The following TTLL11 variants were observed in gnomAD, a reference collection of about 807,000 sequenced individuals.
TTLL11 encodes tubulin tyrosine ligase like 11.
In TTLL11, 42 loss-of-function variants were observed where a neutral mutation model predicts 51.7. The observed-to-expected ratio is 0.81, with a 90% CI of 0.64 to 1.05. The LOEUF (loss-of-function observed/expected upper bound fraction) is 1.05, where lower values mean the gene tolerates loss of function less well. Ranked by LOEUF, TTLL11 falls within the 50% of genes least tolerant of loss-of-function variation. TTLL11 has a pLI of 0.00. For synonymous variants in TTLL11, 381 were observed against 383.5 expected (o/e 0.99, Z 0.08); for missense variants, 799 against 940.4 (o/e 0.85, Z 1.97).
intron 7 of TTLL11, 85 bp from the exon 8 acceptor site, chr9:121,860,528 G>T: frequency 9.1e-7 from 1 of 1,100,176 alleles, no homozygotes; most frequent in Non-Finnish European, 1.3e-6. Context: ...GGGACTGAAT[G>T]TTTGTCCTCC....
At chr9:121,824,568 G>A (rs7020301) in intron 8 of TTLL11, among the ~76,000 whole-genome samples, 6,995 of 151,046 alleles carry the variant, frequency 0.046, 345 homozygotes, top group African/African-American at 0.12. Context: ...AGAGTGGCCT[G>A]GAAATTCAAA....
chr9:121,917,046 G>C (rs1469139961), intron 6 of TTLL11, among the ~76,000 whole-genome samples: 1 of 152,158 alleles, frequency 6.6e-6, no homozygotes. Context: ...GCCCTGCCAG[G>C]GGTATATTCT....
chr9:121,880,126 T>C (rs549262885), intron 6 of TTLL11, among the ~76,000 whole-genome samples: 54 of 152,300 alleles, frequency 3.5e-4, no homozygotes, highest in Middle Eastern at 6.8e-3. Flanking sequence ...CTGAAGGACT[T>C]CAGAGCCCCC....
At position 121,926,006 on chromosome 9, in the gene TTLL11, G is replaced by A. The variant is rs147129719; in HGVS notation, c.1481+48003C>T. On this transcript the variant is annotated intron_variant, in intron 6 of 8. Transcript: ENST00000321582. ...AATCCTGCCATATCAATGTCTTCCA[G>A]GTTCTGTGTTCCTCTCAAAAAGATA... Among the ~76,000 whole-genome samples the A allele has an allele frequency of 2.8e-3, 430 of 152,302 alleles. 3 individuals are homozygous for A. Among genetic ancestry groups the A allele is most frequent in the Middle Eastern group, 6.8e-3 (2 of 294 alleles).
intron 8 of TTLL11, among the ~76,000 whole-genome samples, chr9:121,854,842 C>T (rs138470051): frequency 5.8e-4 from 89 of 152,300 alleles, no homozygotes; most frequent in Middle Eastern, 6.8e-3. Context: ...TCGAGGGCTA[C>T]GACATCCCAG....
At chr9:122,029,155 T>C (rs544508832) in intron 3 of TTLL11, among the ~76,000 whole-genome samples, 1 of 152,236 alleles carries the variant, frequency 6.6e-6, no homozygotes, top group Non-Finnish European at 1.5e-5. Context: ...AAGTGCAGTA[T>C]AATACAATTA....
At chr9:122,049,725 T>C (rs1845108847) in intron 1 of TTLL11, among the ~76,000 whole-genome samples, 1 of 152,162 alleles carries the variant, frequency 6.6e-6, no homozygotes, top group Non-Finnish European at 1.5e-5. Context: ...TTCGGGTCCC[T>C]CTTCTAATGG....
intron 1 of TTLL11, among the ~76,000 whole-genome samples, chr9:122,074,866 C>T (rs913150537): frequency 6.7e-6 from 1 of 150,096 alleles, no homozygotes; most frequent in Non-Finnish European, 1.5e-5. Context: ...CTGGGCAAGA[C>T]AGCAAGACAC....
chr9:121,939,712 T>A (rs1841368454), intron 6 of TTLL11, among the ~76,000 whole-genome samples: 1 of 152,174 alleles, frequency 6.6e-6, no homozygotes, highest in Non-Finnish European at 1.5e-5. Context: ...TTTGTAATTT[T>A]ATAAAAGCAA....
intron 3 of TTLL11, among the ~76,000 whole-genome samples, chr9:122,031,521 C>T (rs891600133): frequency 1.3e-5 from 2 of 152,200 alleles, no homozygotes; most frequent in Non-Finnish European, 2.9e-5. Context: ...AGACCCGTTT[C>T]TTCAGTTTAC....
chr9:121,990,754 T>C (rs1355884060), intron 3 of TTLL11, among the ~76,000 whole-genome samples: 1 of 152,202 alleles, frequency 6.6e-6, no homozygotes, highest in Non-Finnish European at 1.5e-5. Context: ...AATCCTTCCA[T>C]CTGTTGAGAT....
At chr9:121,987,103 T>C (rs1034864207) in intron 4 of TTLL11, among the ~76,000 whole-genome samples, 10 of 152,068 alleles carry the variant, frequency 6.6e-5, no homozygotes, top group African/African-American at 2.2e-4. Flanking sequence ...TAGGGATACA[T>C]TCATGCCTAA....
Position 121,818,439 on chromosome 9 carries a change from C to T in TTLL11, c.*4148G>A, listed in dbSNP as rs1032819452. The T allele has an allele frequency of 1.5e-5, 2 of 137,782 alleles. No individual in the cohort carries two copies. The highest frequency in any genetic ancestry group is 6.8e-5 in the African/African-American group (2 of 29,522). 8.5% of individuals were successfully genotyped at this position (137,782 alleles called of 1,614,324 possible). A position where few individuals can be genotyped will look rare whatever the true frequency, so the allele number is the denominator to read the frequency against. On this transcript the variant is annotated 3_prime_UTR_variant, in exon 9 of 9. Coordinates refer to ENST00000321582, the MANE Select transcript of TTLL11 (RefSeq NM_001139442.2). ...GTAACACTGTCTCCTCTCCCGGGTT[C>T]TGCTAAACGTTCCTATTCACAGCAA... is the stretch of plus-strand genomic sequence containing the variant.
chr9:121,929,917 A>G (rs7048632), intron 6 of TTLL11, among the ~76,000 whole-genome samples: 11,743 of 152,298 alleles, frequency 0.077, 659 homozygotes, highest in African/African-American at 0.16. Context: ...CTCACCAATA[A>G]TTAATATTAA....
chr9:121,898,196 G>A (rs1311565364), intron 6 of TTLL11, among the ~76,000 whole-genome samples: 1 of 152,158 alleles, frequency 6.6e-6, no homozygotes, highest in East Asian at 1.9e-4. Context: ...TTACAGGCAT[G>A]AGCCACCATG....
At chr9:121,889,907 G>T (rs13284647) in intron 6 of TTLL11, among the ~76,000 whole-genome samples, 2 of 151,574 alleles carry the variant, frequency 1.3e-5, no homozygotes, top group Non-Finnish European at 2.9e-5. Flanking sequence ...CTTGGGCGGG[G>T]CGGGGGGGGA....
Position 122,092,672 on chromosome 9 carries a change from C to T in TTLL11, c.462+15G>A. 1 of 1,536,372 alleles carries T rather than the reference C, an allele frequency of 6.5e-7. No individual in the cohort carries two copies. Among genetic ancestry groups the T allele is most frequent in the Non-Finnish European group, 8.7e-7 (1 of 1,146,680 alleles). ...CCCCACTGTGCCCACGCGGCCGGGT[C>T]GGGCCGGGCCTCACCTCCTTCCACT... On this transcript the variant is annotated intron_variant, in intron 1 of 8. Coordinates refer to ENST00000321582, the MANE Select transcript of TTLL11 (RefSeq NM_001139442.2).
At chr9:122,076,912 AG>A (rs1368591854) in intron 1 of TTLL11, among the ~76,000 whole-genome samples, 1 of 152,202 alleles carries the variant, frequency 6.6e-6, no homozygotes, top group African/African-American at 2.4e-5. Flanking sequence ...TCTAAGACAA[AG>A]GGATTTTAAA....
At chr9:121,894,161 C>A (rs1839364712) in intron 6 of TTLL11, among the ~76,000 whole-genome samples, 1 of 152,178 alleles carries the variant, frequency 6.6e-6, no homozygotes, top group Middle Eastern at 3.2e-3. Context: ...GAGACAGTGT[C>A]CCTGCCTGCA....
Sources: allele counts gnomAD v4.1 joint callset (sites outside exome capture counted in the v4.1 genomes callset), GRCh38; gene constraint gnomAD v4.1.1; transcripts MANE v1.5; gene names NCBI Gene and HGNC (gene_info 2026-07-23, HGNC 2026-07-21).